The following MALRD1 variants were observed in gnomAD, a reference collection of about 807,000 sequenced individuals.
MALRD1 encodes the protein MAM and LDL-receptor class A domain-containing protein 1.
Under a neutral mutation model 242.1 loss-of-function variants are expected in MALRD1, and 247 were observed. That is an observed-to-expected ratio of 1.02 (90% CI 0.92 to 1.13). The LOEUF (loss-of-function observed/expected upper bound fraction) is 1.13, where lower values mean the gene tolerates loss of function less well. MALRD1 is among the 50% of genes most tolerant of loss of function. The pLI, the probability that MALRD1 is intolerant of heterozygous loss-of-function variation, is 0.00. For synonymous variants in MALRD1, 995 were observed against 866.6 expected, an observed-to-expected ratio of 1.15 and a Z score of -2.60; for missense variants, 2,989 against 2,533.1, an observed-to-expected ratio of 1.18 and a Z score of -3.86.
intron 21 of MALRD1, among the ~76,000 whole-genome samples, chr10:19,293,073 A>G (rs928203727): frequency 1.3e-5 from 2 of 152,166 alleles, no homozygotes; most frequent in African/African-American, 4.8e-5. Context: ...AGTAAATACC[A>G]GAATTATTGC....
intron 17 of MALRD1, among the ~76,000 whole-genome samples, chr10:19,209,057 G>C (rs1464786004): frequency 6.6e-6 from 1 of 152,004 alleles, no homozygotes; most frequent in Non-Finnish European, 1.5e-5. Flanking sequence ...TCCATCTTTA[G>C]TTCATAAAAT....
intron 36 of MALRD1, among the ~76,000 whole-genome samples, chr10:19,686,392 G>T (rs568301179): frequency 1.3e-5 from 2 of 152,100 alleles, no homozygotes; most frequent in Non-Finnish European, 2.9e-5. Context: ...GCAGTTGTGC[G>T]CATGCTCACT....
At chr10:19,700,468 GA>G (rs1833574225) in intron 38 of MALRD1, among the ~76,000 whole-genome samples, 1 of 152,104 alleles carries the variant, frequency 6.6e-6, no homozygotes, top group Admixed American at 6.5e-5. Context: ...CAAGATAGAC[GA>G]ACTGGACCAG....
intron 19 of MALRD1, among the ~76,000 whole-genome samples, chr10:19,279,715 C>G (rs2131876918): frequency 6.6e-6 from 1 of 152,332 alleles, no homozygotes; most frequent in East Asian, 1.9e-4. Flanking sequence ...GATCTTTACT[C>G]TGGCTCTTAA....
At chr10:19,401,262 A>G (rs1239734105) in intron 28 of MALRD1, among the ~76,000 whole-genome samples, 3 of 152,142 alleles carry the variant, frequency 2.0e-5, no homozygotes. Context: ...TTAACATAGC[A>G]CTGCTTTCAT....
At chr10:19,622,723 T>TACAA (rs1290120324) in intron 36 of MALRD1, among the ~76,000 whole-genome samples, 1 of 151,460 alleles carries the variant, frequency 6.6e-6, no homozygotes, top group African/African-American at 2.4e-5. Flanking sequence ...CTGAGCTTTG[T>TACAA]AGCTCAGTAG....
chr10:19,282,524 A>G (rs916685805), intron 20 of MALRD1, among the ~76,000 whole-genome samples: 32 of 152,128 alleles, frequency 2.1e-4, no homozygotes, highest in Non-Finnish European at 2.9e-4. Context: ...AAATCGCTGG[A>G]CCTGTAATTT....
chr10:19,680,618 G>T (rs1332038259), intron 36 of MALRD1, among the ~76,000 whole-genome samples: 1 of 151,964 alleles, frequency 6.6e-6, no homozygotes. Flanking sequence ...TTTTAACTGG[G>T]GCATTTAGCT....
intron 21 of MALRD1, among the ~76,000 whole-genome samples, chr10:19,307,151 T>C (rs1460319219): frequency 1.3e-5 from 2 of 151,552 alleles, no homozygotes; most frequent in Non-Finnish European, 3.0e-5. Flanking sequence ...TTGGGATGCA[T>C]TGCACATTTA....
intron 1 of MALRD1, among the ~76,000 whole-genome samples, chr10:19,055,043 G>C (rs1221928561): frequency 6.6e-6 from 1 of 152,036 alleles, no homozygotes; most frequent in African/African-American, 2.4e-5. Context: ...CCTTATTTCT[G>C]TATTCTGCCA....
intron 18 of MALRD1, among the ~76,000 whole-genome samples, chr10:19,238,539 T>C (rs1588755924): frequency 1.4e-5 from 1 of 71,702 alleles, no homozygotes; most frequent in African/African-American, 4.5e-5. Context: ...ATACATTATA[T>C]ATAATATATA....
At chr10:19,239,814 T>A (rs1490639725) in intron 18 of MALRD1, among the ~76,000 whole-genome samples, 1 of 152,156 alleles carries the variant, frequency 6.6e-6, no homozygotes, top group Admixed American at 6.6e-5. Flanking sequence ...ACTTTAGGTA[T>A]GAGAATTTAT....
At chr10:19,714,506 G>C (rs964548128) in intron 38 of MALRD1, among the ~76,000 whole-genome samples, 4 of 152,122 alleles carry the variant, frequency 2.6e-5, no homozygotes, top group African/African-American at 9.7e-5. Flanking sequence ...ATGGGGGCTT[G>C]ACAGGCCAGG....
chr10:19,066,320 A>G (rs1324602290), intron 1 of MALRD1, among the ~76,000 whole-genome samples: 3 of 152,178 alleles, frequency 2.0e-5, no homozygotes, highest in East Asian at 1.9e-4. Flanking sequence ...GCATTTTTGT[A>G]TGTATTGTAT....
intron 19 of MALRD1, among the ~76,000 whole-genome samples, chr10:19,258,739 A>G (rs564071620): frequency 6.6e-6 from 1 of 152,102 alleles, no homozygotes; most frequent in Non-Finnish European, 1.5e-5. Flanking sequence ...GTTTTCATAG[A>G]ACTCTGGAGA....
intron 38 of MALRD1, among the ~76,000 whole-genome samples, chr10:19,702,112 G>A (rs868191902): frequency 5.9e-5 from 9 of 152,178 alleles, no homozygotes; most frequent in South Asian, 4.2e-4. Flanking sequence ...TTTAAAGCAC[G>A]TCTACAACAT....
At chr10:19,476,979 G>A (rs1354764277) in intron 29 of MALRD1, among the ~76,000 whole-genome samples, 1 of 151,864 alleles carries the variant, frequency 6.6e-6, no homozygotes, top group Admixed American at 6.6e-5. Flanking sequence ...ATTTTTTCCA[G>A]GTATTCCAAC....
At chr10:19,203,011 A>G (rs1379895966) in intron 14 of MALRD1, among the ~76,000 whole-genome samples, 1 of 152,160 alleles carries the variant, frequency 6.6e-6, no homozygotes, top group Admixed American at 6.5e-5. Context: ...AAAGTTAGAT[A>G]TATATATTCC....
chr10:19,319,380 G>A (rs965682790), intron 21 of MALRD1, among the ~76,000 whole-genome samples: 7 of 151,950 alleles, frequency 4.6e-5, no homozygotes, highest in Non-Finnish European at 7.4e-5. Flanking sequence ...TATAAAAAAC[G>A]TTATTCTTTC....
Sources: allele counts gnomAD v4.1 joint callset (sites outside exome capture counted in the v4.1 genomes callset), GRCh38; gene constraint gnomAD v4.1.1; transcripts MANE v1.5; gene names NCBI Gene and HGNC (gene_info 2026-07-23, HGNC 2026-07-21).